The following EPN2 variants were observed in gnomAD, a reference collection of about 807,000 sequenced individuals.
The protein encoded by EPN2 is epsin-2.
Under a neutral mutation model 61.7 loss-of-function variants are expected in EPN2, and 34 were observed. The observed-to-expected ratio is 0.55, with a 90% confidence interval of 0.42 to 0.73. EPN2 has a LOEUF of 0.73. EPN2 is among the 30% of genes least tolerant of loss of function. The probability of loss-of-function intolerance (pLI) is 0.00; values close to 1 mark genes in which losing one functional copy is unlikely to be tolerated. For missense variants in EPN2, 714 were observed against 839.2 expected, an observed-to-expected ratio of 0.85 and a Z score of 1.84; for synonymous variants, 349 against 353.6, an observed-to-expected ratio of 0.99 and a Z score of 0.15.
intron 4 of EPN2, among the ~76,000 whole-genome samples, chr17:19,295,826 C>A (rs182264546): frequency 4.6e-5 from 7 of 152,140 alleles, no homozygotes; most frequent in African/African-American, 1.7e-4. Context: ...CCAGGTGCCG[C>A]GGTGGCACTG....
chr17:19,323,365 T>C (rs896493184), intron 7 of EPN2, among the ~76,000 whole-genome samples: 4 of 152,152 alleles, frequency 2.6e-5, no homozygotes, highest in African/African-American at 7.2e-5. Flanking sequence ...CTAACACATA[T>C]CTGTTTGGAG....
In EPN2 at chr17:19,244,914, C is replaced by T. The variant is rs1019486195; in HGVS notation, c.-294+7383C>T. On this transcript the variant is annotated intron_variant, in intron 1 of 10. Transcript: ENST00000314728. The stretch of plus-strand genomic sequence containing the variant: ...GGTATTTGCTGCCACCTGTGTCAAA[C>T]TCAGAACTGCTTTATTTCCACGACC... Among the ~76,000 whole-genome samples, 18 of 152,184 alleles carry T rather than the reference C, an allele frequency of 1.2e-4. 1 individual carries two copies. Among genetic ancestry groups the T allele is most frequent in the Non-Finnish European group, 4.4e-5 (3 of 68,030 alleles).
chr17:19,252,414 G>T (rs2045025246), intron 1 of EPN2, among the ~76,000 whole-genome samples: 1 of 152,026 alleles, frequency 6.6e-6, no homozygotes, highest in Non-Finnish European at 1.5e-5. Flanking sequence ...TCATGATGGA[G>T]GATTTCAAAC....
Position 19,283,434 on chromosome 17 carries a change from C to A in EPN2, c.315C>A (p.Thr105=), listed in dbSNP as rs544825853. ...GGGAGAACATCTTCGCCATCCAGAC[C>A]CTGAAGGACTTCCAGTACATTGACC... ...QCRENIFAIQ[T]LKDFQYIDRD... is the part of the protein sequence containing the mutation. The change falls in exon 3 of 11, where the codon ACC becomes ACA. Residue 105 remains threonine, a synonymous_variant. Transcript: ENST00000314728. This position sits in a 1 kb window ranked among gnomAD's most constrained non-coding sequence, Gnocchi z 7.0. 6.2e-7 allele frequency: 1 copy of A among 1,614,040 alleles called. No homozygotes were observed.
rs1182484153 is a variant in EPN2, at chr17:19,283,012, T to C, written c.-108T>C. 2 of 744,838 alleles carry C rather than the reference T, an allele frequency of 2.7e-6. No homozygotes were observed. Among genetic ancestry groups the C allele is most frequent in the Non-Finnish European group, 4.3e-6 (2 of 461,512 alleles). The allele number at this position is 744,838 out of a possible 1,614,324, so 46.1% of individuals were successfully genotyped here. A position where few individuals can be genotyped will look rare whatever the true frequency, so the allele number is the denominator to read the frequency against. ...GGAGGAAATGACCATTCAGGGATCT[T>C]ACTCCAGCTTGATTACGGAGACTGA... On this transcript the variant is annotated 5_prime_UTR_variant, in exon 3 of 11. Transcript: ENST00000314728. The surrounding 1 kb of genome is among the most constrained non-coding windows in gnomAD (Gnocchi z 7.0).
rs36161060 is a variant in EPN2 at position 19,326,686 on chromosome 17, C to CAAAAAAAA, written c.1148-2012_1148-2005dup. 2.6e-4 allele frequency among the ~76,000 whole-genome samples: 20 copies of CAAAAAAAA among 76,806 alleles called. 1 individual carries two copies. Among genetic ancestry groups the CAAAAAAAA allele is most frequent in the Admixed American group, 5.4e-4 (3 of 5,602 alleles). 50.4% of individuals were successfully genotyped at this position (76,806 alleles called of 152,430 possible). ...TGGGTGACAGAGCGAGACTCCGTCT[C>CAAAAAAAA]AAAAAAAAAAAAAAAAAAAAGTGCA... On this transcript the variant is annotated intron_variant, in intron 7 of 10. Coordinates refer to ENST00000314728, the MANE Select transcript of EPN2 (RefSeq NM_014964.5).
At position 19,295,341 on chromosome 17, in the gene EPN2, TACACACACAC is replaced by T. The variant is rs761662309; in HGVS notation, c.766+9568_766+9577del. 3.6e-3 allele frequency among the ~76,000 whole-genome samples: 525 copies of T among 145,140 alleles called. 5 individuals are homozygous for T. Among genetic ancestry groups the T allele is most frequent in the African/African-American group, 0.011 (438 of 39,166 alleles). On this transcript the variant is annotated intron_variant, in intron 4 of 10. Transcript: ENST00000314728. ...AGTGAAACCCCATCTCTATTAAAAA[TACACACACAC>T]ACACACACACACACACGCGCGTGCG...
At chr17:19,249,017 A>T (rs934231807) in intron 1 of EPN2, among the ~76,000 whole-genome samples, 5 of 152,216 alleles carry the variant, frequency 3.3e-5, no homozygotes, top group Non-Finnish European at 5.9e-5. Flanking sequence ...GGCGCAGAGG[A>T]GGAAGAGCTG....
intron 1 of EPN2, among the ~76,000 whole-genome samples, chr17:19,241,701 A>G (rs2044886483): frequency 6.6e-6 from 1 of 152,208 alleles, no homozygotes; most frequent in Admixed American, 6.5e-5. Context: ...AAACAAATAC[A>G]GTGAAATAAG....
At chr17:19,314,729 A>G (rs1906306197) in intron 7 of EPN2, among the ~76,000 whole-genome samples, 2 of 152,244 alleles carry the variant, frequency 1.3e-5, no homozygotes, top group Non-Finnish European at 2.9e-5. Flanking sequence ...ACTGAAGGCC[A>G]GTTCCAGGGC....
At chr17:19,318,566 A>AAAAAAAAAAG (rs1187317882) in intron 7 of EPN2, among the ~76,000 whole-genome samples, 1 of 148,604 alleles carries the variant, frequency 6.7e-6, no homozygotes, top group Non-Finnish European at 1.5e-5. Flanking sequence ...AAAAAAAAAA[A>AAAAAAAAAAG]AGAGTAGGGG....
At position 19,237,498 on chromosome 17, in the gene EPN2, A is replaced by T. The variant is rs2044826630; in HGVS notation, c.-327A>T. ...CCTCTCGAGCGCTGCCGGTGGCCGC[A>T]GCGGCGCACCCACGCCGGCCCGGAG... On this transcript the variant is annotated 5_prime_UTR_variant, in exon 1 of 11. Transcript: ENST00000314728. 2 of 152,338 alleles carry T rather than the reference A, an allele frequency of 1.3e-5. No individual in the cohort carries two copies. Among genetic ancestry groups the T allele is most frequent in the African/African-American group, 4.8e-5 (2 of 41,420 alleles). The allele number at this position is 152,338 out of a possible 1,614,324, so 9.4% of individuals were successfully genotyped here.
At chr17:19,276,237 G>T (rs2045303739) in intron 1 of EPN2, among the ~76,000 whole-genome samples, 1 of 152,098 alleles carries the variant, frequency 6.6e-6, no homozygotes, top group South Asian at 2.1e-4. Flanking sequence ...ACCCAGGCTG[G>T]AGTGCAGTGG....
intron 4 of EPN2, among the ~76,000 whole-genome samples, chr17:19,291,587 G>A (rs1019960476): frequency 6.6e-6 from 1 of 152,112 alleles, no homozygotes; most frequent in South Asian, 2.1e-4. Flanking sequence ...ACAGGCGCCC[G>A]CCACTGCGCC....
At chr17:19,295,924 C>T (rs537413463) in intron 4 of EPN2, among the ~76,000 whole-genome samples, 5 of 152,244 alleles carry the variant, frequency 3.3e-5, no homozygotes, top group South Asian at 2.1e-4. Flanking sequence ...ACTCATGGCC[C>T]GTAGCAGTGT....
intron 1 of EPN2, among the ~76,000 whole-genome samples, chr17:19,280,787 G>T (rs1182741459): frequency 6.6e-6 from 1 of 152,140 alleles, no homozygotes; most frequent in African/African-American, 2.4e-5. Context: ...GTTCAACTCT[G>T]ATATTTACCT....
chr17:19,313,770 A>G (rs576149882), intron 7 of EPN2: 9 of 155,298 alleles, frequency 5.8e-5, no homozygotes, highest in African/African-American at 1.9e-4. Context: ...AATAGGCTAA[A>G]TGAATATTTT....
chr17:19,335,389 CTTTTT>C lies in EPN2; in HGVS notation c.*1139_*1143del, dbSNP rs780936813. 3 of 1,544,920 alleles carry C rather than the reference CTTTTT, an allele frequency of 1.9e-6. No homozygotes were observed. The highest frequency in any genetic ancestry group is 2.0e-5 in the Admixed American group (1 of 50,204). On this transcript the variant is annotated 3_prime_UTR_variant, in exon 11 of 11. Coordinates refer to ENST00000314728, the MANE Select transcript of EPN2 (RefSeq NM_014964.5). ...CTCACCAATTTTTATCAACTAATTC[CTTTTT>C]TTTATTAAAGGCATGCAGGGATTAA...
chr17:19,287,685 C>G (rs574460025), intron 4 of EPN2, among the ~76,000 whole-genome samples: 1 of 152,258 alleles, frequency 6.6e-6, no homozygotes, highest in Non-Finnish European at 1.5e-5. Flanking sequence ...GGCTGTGATT[C>G]AGGAGAGATG....
Sources: gnomAD v4.1 joint callset for allele counts (sites outside exome capture counted in the v4.1 genomes callset) on GRCh38, gnomAD v4.1.1 for gene constraint, Gnocchi (gnomAD v3.1) non-coding constraint, MANE v1.5 for transcripts, NCBI Gene and HGNC (gene_info 2026-07-23, HGNC 2026-07-21) for gene names.